Variants in PLEKHA5 observed in about 807,000 individuals in gnomAD.
The protein encoded by PLEKHA5 is pleckstrin homology domain-containing family A member 5.
A neutral mutation model predicts 181.9 loss-of-function variants in PLEKHA5; 55 were observed. The observed-to-expected ratio is 0.30, with a 90% confidence interval of 0.24 to 0.38. The LOEUF (loss-of-function observed/expected upper bound fraction) is 0.38, where lower values mean the gene tolerates loss of function less well. Among genes scored for constraint, PLEKHA5 ranks in the 10% least tolerant of loss-of-function variants. PLEKHA5 has a pLI of 1.00. For synonymous variants in PLEKHA5, 535 were observed against 529.4 expected, an observed-to-expected ratio of 1.01 and a Z score of -0.15; for missense variants, 1,432 against 1,549.5, an observed-to-expected ratio of 0.92 and a Z score of 1.27.
rs575749791 is a variant in PLEKHA5 at position 19,337,274 on chromosome 12, C to T, written c.2550+658C>T. Reference sequence around the variant, plus strand: ...TAAAATAGAAATAATAATACTTGGCCGGGCATAGTGGCTCACGCCTATAGT... The same window carrying T: ...TAAAATAGAAATAATAATACTTGGCTGGGCATAGTGGCTCACGCCTATAGT... On this transcript the variant is annotated intron_variant, in intron 21 of 31. Coordinates refer to ENST00000429027, the MANE Select transcript of PLEKHA5 (RefSeq NM_001256470.2). Among the ~76,000 whole-genome samples, 5 of 151,954 alleles carry T rather than the reference C, an allele frequency of 3.3e-5. No individual in the cohort carries two copies. In the East Asian group the frequency reaches 5.8e-4, roughly 18 times the overall value.
chr12:19,303,301 G>A (rs1436876371), intron 15 of PLEKHA5, among the ~76,000 whole-genome samples: 2 of 151,968 alleles, frequency 1.3e-5, no homozygotes, highest in African/African-American at 4.8e-5. Flanking sequence ...TTTTTCTAAG[G>A]ATGAATTATA....
rs1555163720 is a variant in PLEKHA5 at position 19,327,256 on chromosome 12, T to TTG, written c.2448+4590_2448+4591insGT. ...GCCAGCATCTGTTTTTGTTTTTTTT[T>TTG]TTTTTTTTACTTTTTAATAGTAGCC... On this transcript the variant is annotated intron_variant, in intron 20 of 31. Transcript: ENST00000429027. Among the ~76,000 whole-genome samples, 6 of 151,104 alleles carry TTG rather than the reference T, an allele frequency of 4.0e-5. No homozygotes were observed. In the South Asian group the frequency reaches 8.4e-4, roughly 21 times the overall value.
chr12:19,229,862 G>A (rs966876825), intron 3 of PLEKHA5, among the ~76,000 whole-genome samples: 2 of 152,164 alleles, frequency 1.3e-5, no homozygotes, highest in African/African-American at 4.8e-5. Context: ...CAATCCCTGA[G>A]CTAGACACAA....
At chr12:19,327,936 T>C (rs2092407440) in intron 20 of PLEKHA5, among the ~76,000 whole-genome samples, 1 of 152,172 alleles carries the variant, frequency 6.6e-6, no homozygotes, top group Admixed American at 6.5e-5. Flanking sequence ...TGAGCCACCA[T>C]GCCTGGCTAA....
chr12:19,230,037 A>G (rs1172262858), intron 3 of PLEKHA5, among the ~76,000 whole-genome samples: 6 of 152,144 alleles, frequency 3.9e-5, no homozygotes, highest in African/African-American at 1.4e-4. Flanking sequence ...AGTCCGCACC[A>G]GATTAGCTAG....
At chr12:19,267,412 CT>C (rs2070839775) in intron 8 of PLEKHA5, among the ~76,000 whole-genome samples, 1 of 152,048 alleles carries the variant, frequency 6.6e-6, no homozygotes, top group African/African-American at 2.4e-5. Context: ...AATCCCAGCA[CT>C]TTGGGAGGCT....
rs1202550030 is a variant in PLEKHA5 at position 19,255,110 on chromosome 12, CTAACTA to C, written c.382_387del (p.Tyr128_Asn129del). 6.2e-7 allele frequency: 1 copy of C among 1,610,300 alleles called. No individual in the cohort carries two copies. Among genetic ancestry groups the C allele is most frequent in the Admixed American group, 1.7e-5 (1 of 59,966 alleles). On this transcript the variant is annotated inframe_deletion, in exon 5 of 32. Transcript: ENST00000429027. The stretch of plus-strand genomic sequence containing the variant: ...CCAATAAGTATGATAAATGAAGCTT[CTAACTA>C]TAACGTGACTTCAGATTATGCAGTG...
intron 3 of PLEKHA5, among the ~76,000 whole-genome samples, chr12:19,222,387 A>G (rs1053951371): frequency 2.0e-5 from 3 of 152,108 alleles, no homozygotes; most frequent in Admixed American, 1.3e-4. Context: ...TTGCAAATGT[A>G]AGCAGAGCCT....
chr12:19,142,407 A>G (rs568517161), intron 3 of PLEKHA5, among the ~76,000 whole-genome samples: 2 of 152,182 alleles, frequency 1.3e-5, no homozygotes, highest in Non-Finnish European at 2.9e-5. Flanking sequence ...CATAAAATAT[A>G]AAACTCAGTA....
At chr12:19,328,804 T>C (rs1454891433) in intron 20 of PLEKHA5, among the ~76,000 whole-genome samples, 3 of 152,120 alleles carry the variant, frequency 2.0e-5, no homozygotes, top group African/African-American at 7.2e-5. Flanking sequence ...TGACTTCTTT[T>C]CCTATTTGGA....
At chr12:19,200,235 C>A (rs1482294001) in intron 3 of PLEKHA5, 18 of 874,910 alleles carry the variant, frequency 2.1e-5, no homozygotes, top group Middle Eastern at 3.5e-4. Context: ...AAAAGTATCA[C>A]CCATCCCCCT....
intron 3 of PLEKHA5, among the ~76,000 whole-genome samples, chr12:19,193,595 T>G (rs1404809753): frequency 1.3e-5 from 2 of 152,130 alleles, no homozygotes; most frequent in Non-Finnish European, 2.9e-5. Flanking sequence ...CATCTATCAC[T>G]GGAGCAATGC....
At chr12:19,290,384 TG>T (rs774607549) in intron 13 of PLEKHA5, among the ~76,000 whole-genome samples, 17 of 152,268 alleles carry the variant, frequency 1.1e-4, no homozygotes, top group African/African-American at 3.4e-4. Context: ...ACCTTTATAA[TG>T]TTTTTTTGGC....
chr12:19,151,905 C>T (rs2040484527), intron 3 of PLEKHA5: 3 of 141,864 alleles, frequency 2.1e-5, no homozygotes, highest in Admixed American at 7.3e-5. Context: ...CTTGCACTGT[C>T]ACCCAGGCTG....
intron 28 of PLEKHA5, among the ~76,000 whole-genome samples, chr12:19,361,016 A>G (rs2095216794): frequency 6.6e-6 from 1 of 151,988 alleles, no homozygotes; most frequent in South Asian, 2.1e-4. Flanking sequence ...CAGCCTCCCA[A>G]AGTGCTGGGA....
At position 19,265,721 on chromosome 12, in the gene PLEKHA5, T is replaced by C. The variant is rs758550752; in HGVS notation, c.611-29T>C. 4.8e-6 allele frequency: 6 copies of C among 1,258,084 alleles called. No homozygotes were observed. The South Asian group carries it at 5.2e-5, about 11-fold the overall frequency. The allele number at this position is 1,258,084 out of a possible 1,614,324, so 77.9% of individuals were successfully genotyped here. A position where few individuals can be genotyped will look rare whatever the true frequency, so the allele number is the denominator to read the frequency against. The stretch of plus-strand genomic sequence containing the variant: ...CTTTGCTTCATAAGAACATTTAAAA[T>C]TCTAATCAGATGTTAAATTATCTCT... On this transcript the variant is annotated intron_variant, in intron 7 of 31. Transcript: ENST00000429027.
chr12:19,273,772 G>C (rs1687531995), intron 10 of PLEKHA5, among the ~76,000 whole-genome samples: 1 of 152,266 alleles, frequency 6.6e-6, no homozygotes, highest in Admixed American at 6.5e-5. Context: ...TCTAACCCAA[G>C]ATTGCTTGAT....
At chr12:19,280,523 C>A (rs980637643) in intron 11 of PLEKHA5, among the ~76,000 whole-genome samples, 2 of 152,042 alleles carry the variant, frequency 1.3e-5, no homozygotes, top group Non-Finnish European at 2.9e-5. Flanking sequence ...ATATCTCTGA[C>A]ATTTTCACAA....
chr12:19,139,534 A>G (rs2036686558), intron 3 of PLEKHA5, among the ~76,000 whole-genome samples: 1 of 152,188 alleles, frequency 6.6e-6, no homozygotes, highest in Non-Finnish European at 1.5e-5. Flanking sequence ...CTTATTGAAT[A>G]TTTACTGTGT....
Sources: gnomAD v4.1 joint callset for allele counts (sites outside exome capture counted in the v4.1 genomes callset) on GRCh38, gnomAD v4.1.1 for gene constraint, MANE v1.5 for transcripts, NCBI Gene and HGNC (gene_info 2026-07-23, HGNC 2026-07-21) for gene names.